MYO9A: variants seen among roughly 807,000 people sequenced by gnomAD.
MYO9A encodes the protein unconventional myosin-IXa.
In MYO9A, 103 loss-of-function variants were observed where a neutral mutation model predicts 293.3. The ratio of observed to expected loss-of-function variants is 0.35; its 90% confidence interval spans 0.30 to 0.41. MYO9A has a LOEUF of 0.41. Among genes scored for constraint, MYO9A ranks in the 10% least tolerant of loss-of-function variants. The pLI is 1.00. For synonymous variants in MYO9A, 1,001 were observed against 1,035.7 expected, an observed-to-expected ratio of 0.97 and a Z score of 0.64; for missense variants, 2,685 against 3,033.0, an observed-to-expected ratio of 0.89 and a Z score of 2.69.
rs2054841152 is a variant in MYO9A at position 71,834,117 on chromosome 15, CA to C, written c.6838-3807del. Among the ~76,000 whole-genome samples, 4 of 152,064 alleles carry C rather than the reference CA, an allele frequency of 2.6e-5. No individual in the cohort carries two copies. In the South Asian group the frequency reaches 8.3e-4, roughly 32 times the overall value. On this transcript the variant is annotated intron_variant, in intron 39 of 41. Transcript: ENST00000356056. Reference sequence around the variant, plus strand: ...ACCCTAGCAAGACTAAAAGAAGTCACAAATAACCAAAGGTTGTAATGAAAAA... The same window carrying C: ...ACCCTAGCAAGACTAAAAGAAGTCACAATAACCAAAGGTTGTAATGAAAAA...
At chr15:71,887,375 G>A (rs1193963911) in intron 27 of MYO9A, among the ~76,000 whole-genome samples, 1 of 152,078 alleles carries the variant, frequency 6.6e-6, no homozygotes, top group Non-Finnish European at 1.5e-5. Flanking sequence ...ATGCAGAAAA[G>A]CTCTCTACCC....
intron 6 of MYO9A, among the ~76,000 whole-genome samples, chr15:72,014,133 T>A (rs547846293): frequency 1.1e-4 from 17 of 152,264 alleles, no homozygotes; most frequent in Admixed American, 5.2e-4. Flanking sequence ...TTATAAAACC[T>A]CTGGTGGTAG....
intron 31 of MYO9A, 42 bp downstream of exon 31, chr15:71,877,998 C>A: frequency 6.8e-7 from 1 of 1,470,844 alleles, no homozygotes; most frequent in Non-Finnish European, 9.1e-7. Context: ...AAAAAGAATT[C>A]ATAATTAAAT....
chr15:72,084,101 TC>T (rs2079637172), intron 1 of MYO9A, among the ~76,000 whole-genome samples: 1 of 152,212 alleles, frequency 6.6e-6, no homozygotes, highest in African/African-American at 2.4e-5. Flanking sequence ...TGTTAAGCTC[TC>T]CCACTATTAT....
chr15:71,908,720 C>T (rs2144253263), intron 19 of MYO9A, among the ~76,000 whole-genome samples: 1 of 152,270 alleles, frequency 6.6e-6, no homozygotes, highest in East Asian at 1.9e-4. Flanking sequence ...TAATTAACAT[C>T]TTGCATTAGT....
intron 39 of MYO9A, among the ~76,000 whole-genome samples, chr15:71,845,583 C>T (rs1478621884): frequency 2.0e-5 from 3 of 152,142 alleles, no homozygotes; most frequent in African/African-American, 7.2e-5. Flanking sequence ...TACATACAAG[C>T]AATTGTGGGT....
intron 1 of MYO9A, among the ~76,000 whole-genome samples, chr15:72,047,723 GGAT>G (rs1248798214): frequency 6.7e-6 from 1 of 148,642 alleles, no homozygotes; most frequent in Non-Finnish European, 1.5e-5. Flanking sequence ...TAACATATAA[GGAT>G]GATGTGCTAT....
At chr15:71,832,525 A>C (rs556677695) in intron 39 of MYO9A, among the ~76,000 whole-genome samples, 1 of 152,340 alleles carries the variant, frequency 6.6e-6, no homozygotes, top group South Asian at 2.1e-4. Flanking sequence ...CAACAGAAAT[A>C]ATGGAATGCA....
rs145500964 is a variant in MYO9A at position 71,862,537 on chromosome 15, A to C, written c.6054T>G (p.Ser2018=). ...SIPTYCEYCS[S]LIWIMDRASV... ...AGGCTCGGTCCATTATCCATATCAA[A>C]GAAGAACAGTATTCACAGTATGTAG... Residue 2018 remains serine (S), a synonymous_variant, in exon 33 of 42, where the codon TCT becomes TCG. Coordinates refer to ENST00000356056, the MANE Select transcript of MYO9A (RefSeq NM_006901.4). 1 of 1,612,936 alleles carries C rather than the reference A, an allele frequency of 6.2e-7. No homozygotes were observed. Among genetic ancestry groups the C allele is most frequent in the South Asian group, 1.1e-5 (1 of 91,024 alleles).
Position 71,908,222 on chromosome 15 carries a change from T to G in MYO9A, c.2686-3216A>C, listed in dbSNP as rs191556428. Among the ~76,000 whole-genome samples the G allele has an allele frequency of 1.4e-3, 212 of 152,362 alleles. 1 individual carries two copies. The highest frequency in any genetic ancestry group is 7.7e-4 in the East Asian group (4 of 5,190). On this transcript the variant is annotated intron_variant, in intron 19 of 41. Coordinates refer to ENST00000356056, the MANE Select transcript of MYO9A (RefSeq NM_006901.4). Reference sequence around the variant, plus strand: ...AGGGAATCCTTTCCCCATTGCTTATTTTTCTCAGGTTTGTCAAAGATCAGA... The same window carrying G: ...AGGGAATCCTTTCCCCATTGCTTATGTTTCTCAGGTTTGTCAAAGATCAGA...
intron 32 of MYO9A, among the ~76,000 whole-genome samples, chr15:71,868,241 AGTT>A (rs1232398369): frequency 6.6e-6 from 1 of 152,206 alleles, no homozygotes; most frequent in African/African-American, 2.4e-5. Flanking sequence ...ATTAGCTGGT[AGTT>A]GTTCTCAGCC....
rs572713326 is a variant in MYO9A at position 72,065,564 on chromosome 15, G to GAAC, written c.-71-18933_-71-18931dup. 1.1e-4 allele frequency among the ~76,000 whole-genome samples: 16 copies of GAAC among 147,276 alleles called. No individual in the cohort carries two copies. In the South Asian group the frequency reaches 1.5e-3, roughly 14 times the overall value. On this transcript the variant is annotated intron_variant, in intron 1 of 41. Transcript: ENST00000356056. ...TTACATGAACCTAGAGTGGGATCTC[G>GAAC]AACAACAACAACAACAAAAAAAACA...
intron 19 of MYO9A, among the ~76,000 whole-genome samples, chr15:71,914,977 G>A (rs938401095): frequency 6.6e-6 from 1 of 152,046 alleles, no homozygotes; most frequent in Non-Finnish European, 1.5e-5. Context: ...TCATAATCAC[G>A]AGATTAATGT....
chr15:72,002,017 T>A (rs1339649534), intron 8 of MYO9A, among the ~76,000 whole-genome samples: 1 of 152,136 alleles, frequency 6.6e-6, no homozygotes, highest in African/African-American at 2.4e-5. Flanking sequence ...ACACCTATAA[T>A]CCCAAGGCAG....
At chr15:71,909,679 G>A (rs2057774243) in intron 19 of MYO9A, among the ~76,000 whole-genome samples, 1 of 151,994 alleles carries the variant, frequency 6.6e-6, no homozygotes, top group African/African-American at 2.4e-5. Flanking sequence ...AACCTAACTT[G>A]TCACAGTCTA....
At position 71,898,142 on chromosome 15, in the gene MYO9A, G is replaced by A. The variant is rs781091830; in HGVS notation, c.4361C>T (p.Ala1454Val). 2 of 1,614,132 alleles carry A rather than the reference G, an allele frequency of 1.2e-6. No homozygotes were observed. Among genetic ancestry groups the A allele is most frequent in the Non-Finnish European group, 8.5e-7 (1 of 1,180,024 alleles). ...TTCCCTGTTGATATCCAAAGTAAGA[G>A]CTTCCCCCGCTGTGTCTTCATTTTC... The part of the protein sequence containing the change: ...LLENEDTAGE[A>V]LTLDINRETR... Residue 1454 changes from alanine (A) to valine (V), a missense_variant, in exon 25 of 42, where the codon GCT becomes GTT. Physicochemically the swap from Ala to Val is moderately conservative, Grantham distance 64. Transcript: ENST00000356056.
intron 10 of MYO9A, among the ~76,000 whole-genome samples, chr15:71,991,701 G>C (rs16956450): frequency 0.013 from 1,915 of 152,346 alleles, 58 homozygotes; most frequent in Admixed American, 0.058. Context: ...AACCAAACTA[G>C]TATATTTTAT....
chr15:72,048,287 T>C (rs1382243255), intron 1 of MYO9A, among the ~76,000 whole-genome samples: 2 of 151,564 alleles, frequency 1.3e-5, no homozygotes, highest in Non-Finnish European at 2.9e-5. Context: ...TAATCCCAGC[T>C]ACTCAGGGGC....
intron 25 of MYO9A, 38 bp from the exon 26 acceptor site, chr15:71,893,816 G>A (rs1567237076): frequency 6.5e-7 from 1 of 1,536,794 alleles, no homozygotes; most frequent in Admixed American, 1.7e-5. Context: ...TCAGTTCTTA[G>A]CAGATATCCC....
Sources: gnomAD v4.1 joint callset for allele counts (sites outside exome capture counted in the v4.1 genomes callset) on GRCh38, gnomAD v4.1.1 for gene constraint, MANE v1.5 for transcripts, NCBI Gene and HGNC (gene_info 2026-07-23, HGNC 2026-07-21) for gene names.